The following GRTP1 variants were observed in gnomAD, a reference collection of about 807,000 sequenced individuals.
GRTP1 encodes the protein growth hormone-regulated TBC protein 1.
A neutral mutation model predicts 38.1 loss-of-function variants in GRTP1; 56 were observed. That is an observed-to-expected ratio of 1.47 (90% CI 1.19 to 1.84). The LOEUF (loss-of-function observed/expected upper bound fraction) is 1.84. Ranked by LOEUF, GRTP1 falls within the 40% of genes most tolerant of loss-of-function variation. The pLI is 0.00. For synonymous variants in GRTP1, 217 were observed against 189.5 expected (o/e 1.14, Z -1.19); for missense variants, 506 against 453.9 (o/e 1.11, Z -1.04).
At chr13:113,325,174 C>G (rs1595468311) in intron 7 of GRTP1, 16 of 1,055,976 alleles carry the variant, frequency 1.5e-5, no homozygotes, top group Middle Eastern at 4.5e-4. Flanking sequence ...TGAAATACCG[C>G]CCACGTTTGC....
At chr13:113,325,028 C>A in intron 7 of GRTP1, 7 of 754,978 alleles carry the variant, frequency 9.3e-6, no homozygotes, top group Non-Finnish European at 1.1e-5. Flanking sequence ...CGGGGTTTCA[C>A]CGTGTTGGCC....
intron 3 of GRTP1, 37 bp downstream of exon 3, chr13:113,355,286 C>CG (rs2043362737): frequency 6.2e-7 from 1 of 1,604,994 alleles, no homozygotes; most frequent in African/African-American, 1.3e-5. Flanking sequence ...TTCCGGCCCC[C>CG]GGGCCCTGCA....
chr13:113,325,781 C>G lies in GRTP1; in HGVS notation c.801G>C (p.Leu267=). ...ACTCCTGGTGCTGCTTAATTAAGGT[C>G]AGGGCCACCCGGAAGATAATCTTCG... ...EGSKIIFRVA[L]TLIKQHQELI... is the part of the protein sequence containing the mutation. The change falls in exon 7 of 8, where the codon CTG becomes CTC. Residue 267 remains leucine, a synonymous_variant. Transcript: ENST00000375431. 2 of 1,614,208 alleles carry G rather than the reference C, an allele frequency of 1.2e-6. No homozygotes were observed. Among genetic ancestry groups the G allele is most frequent in the Non-Finnish European group, 1.7e-6 (2 of 1,180,034 alleles).
At chr13:113,325,490 T>G (rs1025233119) in intron 7 of GRTP1, 171 bp downstream of exon 7, 2 of 1,469,974 alleles carry the variant, frequency 1.4e-6, no homozygotes, top group Non-Finnish European at 1.8e-6. Context: ...AGGAAAGCCC[T>G]CGGAGGCCAG....
rs541391531 is a variant in GRTP1, at chr13:113,363,853, C to G, written c.90G>C (p.Lys30Asn). 2.5e-4 allele frequency: 406 copies of G among 1,611,956 alleles called. 7 individuals carry two copies. In the South Asian group the frequency reaches 4.3e-3, roughly 17 times the overall value. ...PEDFDDAAYEKFFSSYLVTLT... is the reference protein window; with the variant it reads ...PEDFDDAAYENFFSSYLVTLT... ...GCGTGACCAGGTAGCTGGAGAAAAA[C>G]TTCTCGTAGGCGGCGTCGTCGAAGT... is the stretch of plus-strand genomic sequence containing the variant. The change falls in exon 2 of 8, where the codon AAG becomes AAC. Residue 30 changes from lysine to asparagine, a missense_variant. Coordinates refer to ENST00000375431, the MANE Select transcript of GRTP1 (RefSeq NM_024719.4).
chr13:113,325,327 T>G, intron 7 of GRTP1: 1 of 1,390,894 alleles, frequency 7.2e-7, no homozygotes, highest in Non-Finnish European at 9.3e-7. Context: ...AGGACCTGAG[T>G]CTATACGGCC....
chr13:113,360,537 T>A (rs770222078), intron 2 of GRTP1, among the ~76,000 whole-genome samples: 2 of 152,144 alleles, frequency 1.3e-5, no homozygotes, highest in Non-Finnish European at 2.9e-5. Flanking sequence ...CCACTCCAGT[T>A]TTATACCCGA....
chr13:113,347,992 G>T (rs1249396302), intron 4 of GRTP1, among the ~76,000 whole-genome samples: 8 of 151,486 alleles, frequency 5.3e-5, no homozygotes, highest in Non-Finnish European at 8.8e-5. Flanking sequence ...AGACCTGGGA[G>T]GACCTGTGTG....
At chr13:113,325,209 A>C in intron 7 of GRTP1, 8 of 1,122,074 alleles carry the variant, frequency 7.1e-6, no homozygotes, top group Non-Finnish European at 8.7e-6. Flanking sequence ...AGTGGCCCCG[A>C]GCCTCCACTC....
At chr13:113,347,530 C>CAA (rs2043176723) in intron 4 of GRTP1, among the ~76,000 whole-genome samples, 3 of 76,480 alleles carry the variant, frequency 3.9e-5, no homozygotes, top group African/African-American at 1.5e-4. Context: ...ACCTCTGTGG[C>CAA]TGAGCGGATC....
chr13:113,351,089 C>A, intron 3 of GRTP1, 116 bp from the exon 4 acceptor site: 13 of 1,358,682 alleles, frequency 9.6e-6, no homozygotes, highest in Non-Finnish European at 1.3e-5. Flanking sequence ...GACTGGTTTT[C>A]ACCCTGGCCG....
chr13:113,347,745 GATCCGGGAGGACCTC>G (rs1285397432), intron 4 of GRTP1, among the ~76,000 whole-genome samples: 18 of 138,760 alleles, frequency 1.3e-4, no homozygotes, highest in African/African-American at 5.1e-4. Flanking sequence ...GCCAAGAACA[GATCCGGGAGGACCTC>G]TGAAGCCGAG....
At chr13:113,333,737 T>C (rs529464560) in intron 5 of GRTP1, among the ~76,000 whole-genome samples, 297 of 152,200 alleles carry the variant, frequency 2.0e-3, no homozygotes, top group African/African-American at 6.8e-3. Context: ...GCAATCTGCC[T>C]GCCTAGGACT....
intron 5 of GRTP1, among the ~76,000 whole-genome samples, chr13:113,338,289 G>T (rs1476381773): frequency 6.6e-6 from 1 of 152,172 alleles, no homozygotes; most frequent in African/African-American, 2.4e-5. Context: ...AGGTGTTCTG[G>T]GCTGAGAACT....
At chr13:113,334,065 C>T (rs879339463) in intron 5 of GRTP1, among the ~76,000 whole-genome samples, 1 of 151,926 alleles carries the variant, frequency 6.6e-6, no homozygotes, top group Admixed American at 6.6e-5. Context: ...GAACTCCTGA[C>T]CCCAGGTGAT....
chr13:113,326,657 C>A (rs540492314), intron 5 of GRTP1, among the ~76,000 whole-genome samples: 1 of 150,670 alleles, frequency 6.6e-6, no homozygotes, highest in South Asian at 2.1e-4. Context: ...GGCCACAGAG[C>A]GAGACTCTGT....
chr13:113,329,351 G>A (rs1220578999), intron 5 of GRTP1, among the ~76,000 whole-genome samples: 3 of 152,156 alleles, frequency 2.0e-5, no homozygotes, highest in Admixed American at 6.5e-5. Flanking sequence ...GCTGAGACGG[G>A]TAGATCACCT....
intron 4 of GRTP1, among the ~76,000 whole-genome samples, chr13:113,350,222 G>T (rs1352834686): frequency 6.6e-6 from 1 of 152,088 alleles, no homozygotes; most frequent in African/African-American, 2.4e-5. Context: ...ATTCCGGCCT[G>T]TTCACTCCAC....
chr13:113,343,756 A>G lies in GRTP1; in HGVS notation c.562+1107T>C, dbSNP rs2043058878. ...CACCAGGCAGGAGCTGGAGCCACAC[A>G]CCCCCAGGCTCCAAACACTGGGGAC... On this transcript the variant is annotated intron_variant, in intron 5 of 7. Coordinates refer to ENST00000375431, the MANE Select transcript of GRTP1 (RefSeq NM_024719.4). This position sits in a 1 kb window ranked among gnomAD's most constrained non-coding sequence, Gnocchi z 4.8. Among the ~76,000 whole-genome samples, 1 of 152,062 alleles carries G rather than the reference A, an allele frequency of 6.6e-6. No individual in the cohort carries two copies. Among genetic ancestry groups the G allele is most frequent in the Non-Finnish European group, 1.5e-5 (1 of 68,010 alleles).
Sources: allele counts gnomAD v4.1 joint callset (sites outside exome capture counted in the v4.1 genomes callset), GRCh38; gene constraint gnomAD v4.1.1; non-coding constraint Gnocchi (gnomAD v3.1); transcripts MANE v1.5; gene names NCBI Gene and HGNC (gene_info 2026-07-23, HGNC 2026-07-21).